Variants in ARHGEF4 observed in about 807,000 individuals in gnomAD.
ARHGEF4 encodes the protein Rho guanine nucleotide exchange factor 4, also known as APC-stimulated guanine nucleotide exchange factor 1.
ARHGEF4 carries 119 observed loss-of-function variants against 162.0 expected under a neutral mutation model. The ratio of observed to expected loss-of-function variants is 0.73; its 90% CI spans 0.63 to 0.86. The LOEUF is 0.86. Among genes scored for constraint, ARHGEF4 ranks in the 40% least tolerant of loss-of-function variants. The probability of loss-of-function intolerance (pLI) is 0.00; values close to 1 mark genes in which losing one functional copy is unlikely to be tolerated. For synonymous variants in ARHGEF4, 1,014 were observed against 979.9 expected (o/e 1.03, Z -0.65); for missense variants, 2,488 against 2,456.0 (o/e 1.01, Z -0.28).
At chr2:130,930,251 A>G (rs559524669) in intron 2 of ARHGEF4, among the ~76,000 whole-genome samples, 11 of 152,276 alleles carry the variant, frequency 7.2e-5, no homozygotes, top group African/African-American at 2.2e-4. Flanking sequence ...TGGGGATGCC[A>G]TTCCACAGAG....
intron 4 of ARHGEF4, among the ~76,000 whole-genome samples, chr2:130,967,079 C>T (rs1685055698): frequency 6.6e-6 from 1 of 152,188 alleles, no homozygotes; most frequent in African/African-American, 2.4e-5. Flanking sequence ...TCCCAGCAAG[C>T]ATCTGAAAAG....
At chr2:130,982,404 T>TA (rs74967843) in intron 4 of ARHGEF4, among the ~76,000 whole-genome samples, 4,957 of 152,284 alleles carry the variant, frequency 0.033, 185 homozygotes, top group East Asian at 0.2. Context: ...AATGCTTTAC[T>TA]ATCTAAACTT....
intron 8 of ARHGEF4, 133 bp from the exon 9 acceptor site, chr2:131,041,097 C>A: frequency 1.3e-6 from 1 of 749,414 alleles, no homozygotes. Context: ...TAGGTACACA[C>A]AGCCTGGGTC....
intron 4 of ARHGEF4, among the ~76,000 whole-genome samples, chr2:130,949,649 C>G (rs963462087): frequency 6.7e-6 from 1 of 150,322 alleles, no homozygotes; most frequent in Non-Finnish European, 1.5e-5. Flanking sequence ...CCACCATGCC[C>G]GGCCTGTTTG....
chr2:130,921,045 GC>G (rs1161043161), intron 2 of ARHGEF4, among the ~76,000 whole-genome samples: 1 of 151,574 alleles, frequency 6.6e-6, no homozygotes, highest in African/African-American at 2.4e-5. Context: ...TACCCACTAT[GC>G]CCCATCTCAT....
intron 4 of ARHGEF4, among the ~76,000 whole-genome samples, chr2:130,992,213 CA>C (rs1268649608): frequency 6.6e-6 from 1 of 152,162 alleles, no homozygotes; most frequent in African/African-American, 2.4e-5. Context: ...TGGGCTCTAC[CA>C]ATCAGCAGGA....
intron 2 of ARHGEF4, among the ~76,000 whole-genome samples, chr2:130,917,970 C>T (rs983182497): frequency 6.6e-6 from 1 of 151,968 alleles, no homozygotes; most frequent in Non-Finnish European, 1.5e-5. Flanking sequence ...TACAGGCACC[C>T]GCCACCACGC....
intron 1 of ARHGEF4, among the ~76,000 whole-genome samples, chr2:130,908,184 A>G (rs1479036540): frequency 1.3e-5 from 2 of 152,060 alleles, no homozygotes; most frequent in East Asian, 3.9e-4. Context: ...GGTTAGCTGT[A>G]TTCCTAGATA....
Position 130,917,035 on chromosome 2 carries a change from T to G in ARHGEF4, c.3089T>G (p.Ile1030Ser). The change falls in exon 2 of 14, where the codon ATC (isoleucine) becomes AGC (serine). Residue 1030 changes from isoleucine (I) to serine (S), a missense_variant. This residue lies in a region of ARHGEF4 where 1,642 missense variants were observed against 1,481.5 expected (regional missense o/e 1.11). Transcript: ENST00000409359. ...CACAGGAGGAAAAGTGAACCGACCATCAAGTGCACAGCCACCCAGGAAGGC... is the reference window on the plus strand; with the variant it reads ...CACAGGAGGAAAAGTGAACCGACCAGCAAGTGCACAGCCACCCAGGAAGGC... ...PEHRRKSEPT[I>S]KCTATQEGGR... The G allele has an allele frequency of 6.4e-7, 1 of 1,550,856 alleles. No homozygotes were observed. Among genetic ancestry groups the G allele is most frequent in the African/African-American group, 1.4e-5 (1 of 73,122 alleles).
At chr2:130,870,422 C>T (rs887885685) in intron 1 of ARHGEF4, among the ~76,000 whole-genome samples, 27 of 152,292 alleles carry the variant, frequency 1.8e-4, no homozygotes, top group African/African-American at 6.5e-4. Flanking sequence ...GAGGGGAGCC[C>T]TCCAGGGTCC....
chr2:130,864,996 C>A (rs1268059450), intron 1 of ARHGEF4, among the ~76,000 whole-genome samples: 13 of 152,188 alleles, frequency 8.5e-5, no homozygotes. Flanking sequence ...GCCAGTACTT[C>A]CTGAACGTTT....
At chr2:130,981,069 G>A (rs1686084330) in intron 4 of ARHGEF4, among the ~76,000 whole-genome samples, 1 of 152,102 alleles carries the variant, frequency 6.6e-6, no homozygotes, top group African/African-American at 2.4e-5. Context: ...CAGAACTTAA[G>A]TCTTTTATTA....
At chr2:131,014,575 T>C (rs1019497579) in intron 4 of ARHGEF4, among the ~76,000 whole-genome samples, 4 of 152,216 alleles carry the variant, frequency 2.6e-5, no homozygotes, top group Non-Finnish European at 5.9e-5. Context: ...ATTTAGATCC[T>C]CTTTGATTTC....
At chr2:131,015,450 C>T (rs776731916) in intron 4 of ARHGEF4, among the ~76,000 whole-genome samples, 5 of 152,154 alleles carry the variant, frequency 3.3e-5, no homozygotes, top group Non-Finnish European at 5.9e-5. Flanking sequence ...TTACTCCGTT[C>T]GCATGACAAA....
At chr2:130,960,509 G>A (rs1574303067) in intron 4 of ARHGEF4, among the ~76,000 whole-genome samples, 2 of 152,108 alleles carry the variant, frequency 1.3e-5, no homozygotes, top group East Asian at 3.9e-4. Flanking sequence ...TATGCTCTAT[G>A]ATGTTCACAC....
intron 5 of ARHGEF4, among the ~76,000 whole-genome samples, chr2:131,030,124 G>T (rs948817099): frequency 1.4e-4 from 21 of 152,218 alleles, no homozygotes; most frequent in Admixed American, 1.2e-3. Context: ...CCGGAGAGGT[G>T]GGGGTTCCAT....
chr2:131,029,108 C>T (rs1011664198), intron 5 of ARHGEF4, among the ~76,000 whole-genome samples: 7 of 152,182 alleles, frequency 4.6e-5, no homozygotes, highest in African/African-American at 1.7e-4. Context: ...CGCCTATAAT[C>T]TCAGCACTTT....
chr2:130,871,342 C>T (rs1678470022), intron 1 of ARHGEF4, among the ~76,000 whole-genome samples: 5 of 152,088 alleles, frequency 3.3e-5, no homozygotes, highest in Admixed American at 3.3e-4. Context: ...TCGAGACTAG[C>T]CTGGCCAACA....
In ARHGEF4 at chr2:130,915,130, G is replaced by A; in HGVS notation, c.1184G>A (p.Ser395Asn). 5 of 1,550,664 alleles carry A rather than the reference G, an allele frequency of 3.2e-6. No homozygotes were observed. The highest frequency in any genetic ancestry group is 4.4e-6 in the Non-Finnish European group (5 of 1,147,014). Residue 395 changes from serine (S) to asparagine (N), a missense_variant, in exon 2 of 14, where the codon AGT becomes AAT. This residue lies in a region of ARHGEF4 where 1,642 missense variants were observed against 1,481.5 expected (regional missense o/e 1.11). Coordinates refer to ENST00000409359, the MANE Select transcript of ARHGEF4 (RefSeq NM_001367493.1). ...TCTGGCCCGATTCCTGCTTTTCAGAGTGGGGCTCCCCATCTGCAGGGTCCC... is the reference window on the plus strand; with the variant it reads ...TCTGGCCCGATTCCTGCTTTTCAGAATGGGGCTCCCCATCTGCAGGGTCCC... ...QLSGPIPAFQ[S>N]GAPHLQGPCK...
Sources: allele counts gnomAD v4.1 joint callset (sites outside exome capture counted in the v4.1 genomes callset), GRCh38; gene constraint gnomAD v4.1.1; regional missense constraint gnomAD v4.1.1; transcripts MANE v1.5; gene names NCBI Gene and HGNC (gene_info 2026-07-23, HGNC 2026-07-21).